F13A1: variants seen among roughly 807,000 people sequenced by gnomAD.
The protein encoded by F13A1 is coagulation factor XIII A chain.
A neutral mutation model predicts 80.1 loss-of-function variants in F13A1; 47 were observed. That is an observed-to-expected ratio of 0.59 (90% CI 0.46 to 0.75). The LOEUF (loss-of-function observed/expected upper bound fraction) is 0.75. Among genes scored for constraint, F13A1 ranks in the 30% least tolerant of loss-of-function variants. F13A1 has a pLI of 0.00. For synonymous variants in F13A1, 349 were observed against 344.9 expected (o/e 1.01, Z -0.13); for missense variants, 817 against 930.4 (o/e 0.88, Z 1.59).
Position 6,318,688 on chromosome 6 carries a change from G to GAAAAAAAAAAAAA in F13A1, c.-18-19_-18-7dup. On this transcript the variant is annotated splice_region_variant and splice_polypyrimidine_tract_variant and intron_variant, in intron 1 of 14. Coordinates refer to ENST00000264870, the MANE Select transcript of F13A1 (RefSeq NM_000129.4). ...ATTTTTGACTTTACAAGGTCCTTCAGAAAAAAAAAAAAAAGAAGACAACAG... is the reference window on the plus strand; with the variant it reads ...ATTTTTGACTTTACAAGGTCCTTCAGAAAAAAAAAAAAAAAAAAAAAAAAAAAGAAGACAACAG... The GAAAAAAAAAAAAA allele has an allele frequency of 1.3e-6, 2 of 1,488,494 alleles. No individual in the cohort carries two copies. Among genetic ancestry groups the GAAAAAAAAAAAAA allele is most frequent in the Non-Finnish European group, 1.8e-6 (2 of 1,106,734 alleles). The allele number at this position is 1,488,494 out of a possible 1,614,324, so 92.2% of individuals were successfully genotyped here.
At chr6:6,249,612 C>G (rs2113100478) in intron 5 of F13A1, among the ~76,000 whole-genome samples, 1 of 152,296 alleles carries the variant, frequency 6.6e-6, no homozygotes, top group Non-Finnish European at 1.5e-5. Context: ...GGACACTTTT[C>G]CAGACCTCCT....
In F13A1 at chr6:6,167,547, A is replaced by G; in HGVS notation, c.1819T>C (p.Phe607Leu). ...TCATTGATGCGAGCTGTGACAAAGA[A>G]GTGCAGGGACGCTTGTTCCAGCAGC... Reference protein sequence around the residue: ...GQLLEQASLHFFVTARINETR... With the variant: ...GQLLEQASLHLFVTARINETR... Residue 607 changes from phenylalanine to leucine, a missense_variant, in exon 13 of 15, where the codon TTC becomes CTC. By Grantham distance (22) the Phe-to-Leu change is conservative. Coordinates refer to ENST00000264870, the MANE Select transcript of F13A1 (RefSeq NM_000129.4). The G allele has an allele frequency of 6.2e-7, 1 of 1,614,124 alleles. No individual in the cohort carries two copies. Among genetic ancestry groups the G allele is most frequent in the East Asian group, 2.2e-5 (1 of 44,872 alleles).
chr6:6,252,458 G>A (rs1011605688), intron 4 of F13A1, among the ~76,000 whole-genome samples: 4 of 151,984 alleles, frequency 2.6e-5, no homozygotes, highest in African/African-American at 9.7e-5. Context: ...AAAGCTACAC[G>A]CTAAAATATG....
intron 14 of F13A1, among the ~76,000 whole-genome samples, chr6:6,149,208 G>A (rs1293615780): frequency 6.6e-6 from 1 of 152,128 alleles, no homozygotes; most frequent in Admixed American, 6.5e-5. Context: ...TAGAAGACAG[G>A]CTTTTGAATG....
chr6:6,275,429 G>T (rs1407750886), intron 3 of F13A1, among the ~76,000 whole-genome samples: 1 of 152,104 alleles, frequency 6.6e-6, no homozygotes, highest in Admixed American at 6.5e-5. Flanking sequence ...GAGTGCAGGG[G>T]TGCCATCTCA....
At chr6:6,183,204 C>T (rs960313870) in intron 10 of F13A1, among the ~76,000 whole-genome samples, 14 of 152,158 alleles carry the variant, frequency 9.2e-5, no homozygotes, top group South Asian at 4.1e-4. Flanking sequence ...CTAAATGTTT[C>T]CCAAGCTCCT....
At chr6:6,294,956 C>T (rs927789372) in intron 3 of F13A1, among the ~76,000 whole-genome samples, 20 of 142,958 alleles carry the variant, frequency 1.4e-4, no homozygotes, top group African/African-American at 4.5e-4. Flanking sequence ...CATGTGTTCT[C>T]ATTGTTCAAT....
chr6:6,244,924 C>T (rs923118594), intron 6 of F13A1, among the ~76,000 whole-genome samples: 8 of 152,126 alleles, frequency 5.3e-5, no homozygotes, highest in Non-Finnish European at 7.3e-5. Context: ...AAGACAGATT[C>T]GCTATGCAGG....
intron 10 of F13A1, among the ~76,000 whole-genome samples, chr6:6,193,959 G>A (rs972796687): frequency 7.9e-5 from 12 of 152,222 alleles, no homozygotes; most frequent in African/African-American, 2.9e-4. Flanking sequence ...CAGGTACGAT[G>A]AGATGAACAC....
intron 8 of F13A1, among the ~76,000 whole-genome samples, chr6:6,209,472 A>G (rs1229889446): frequency 2.0e-5 from 3 of 152,232 alleles, no homozygotes; most frequent in African/African-American, 7.2e-5. Context: ...TAGAGTTACC[A>G]TACAACCCAG....
In F13A1 at chr6:6,234,573, C is replaced by A. The variant is rs75399341; in HGVS notation, c.799-9713G>T. ...ATTTTAAGACTTGATAATATAAAAA[C>A]AATAATCATCCTAAGAAAAAAGATA... On this transcript the variant is annotated intron_variant, in intron 6 of 14. Transcript: ENST00000264870. Among the ~76,000 whole-genome samples, 15 of 151,812 alleles carry A rather than the reference C, an allele frequency of 9.9e-5. No individual in the cohort carries two copies. In the East Asian group the frequency reaches 2.5e-3, roughly 25 times the overall value.
intron 13 of F13A1, 77 bp downstream of exon 13, chr6:6,167,381 C>A (rs1760694416): frequency 7.1e-6 from 10 of 1,417,862 alleles, no homozygotes; most frequent in African/African-American, 1.5e-5. Flanking sequence ...CACACACATA[C>A]AAGCACGCAT....
At chr6:6,224,258 T>C (rs1287103690) in intron 7 of F13A1, among the ~76,000 whole-genome samples, 3 of 152,170 alleles carry the variant, frequency 2.0e-5, no homozygotes, top group Non-Finnish European at 4.4e-5. Context: ...ATTTATAAAA[T>C]TCTCAATAAT....
chr6:6,226,670 AT>A (rs1335534072), intron 6 of F13A1, among the ~76,000 whole-genome samples: 1 of 152,162 alleles, frequency 6.6e-6, no homozygotes, highest in African/African-American at 2.4e-5. Context: ...AAGAAAAAAA[AT>A]CTCCGTCTTT....
At chr6:6,167,666 G>T in intron 12 of F13A1, 48 bp from the exon 13 acceptor site, 1 of 1,602,970 alleles carries the variant, frequency 6.2e-7, no homozygotes, top group Non-Finnish European at 8.5e-7. Context: ...CTTGAGACAG[G>T]GTCTGCTTTA....
chr6:6,212,104 G>C (rs181335306), intron 8 of F13A1, among the ~76,000 whole-genome samples: 2,367 of 152,374 alleles, frequency 0.016, 112 homozygotes, highest in Admixed American at 0.09. Flanking sequence ...GCTGGCGGAG[G>C]GGCGCCCGCC....
intron 12 of F13A1, among the ~76,000 whole-genome samples, chr6:6,172,596 C>T (rs1320333482): frequency 1.3e-5 from 2 of 152,032 alleles, no homozygotes; most frequent in East Asian, 1.9e-4. Context: ...CAGGCACCTG[C>T]CACAACGCCT....
Position 6,234,239 on chromosome 6 carries a change from G to T in F13A1, c.799-9379C>A, listed in dbSNP as rs527526392. On this transcript the variant is annotated intron_variant, in intron 6 of 14. Coordinates refer to ENST00000264870, the MANE Select transcript of F13A1 (RefSeq NM_000129.4). ...CAGAAAGCTCCTAGGACTGATAAAAGAATTCAGCAAAGTTTCTGGATACAA... is the reference window on the plus strand; with the variant it reads ...CAGAAAGCTCCTAGGACTGATAAAATAATTCAGCAAAGTTTCTGGATACAA... Among the ~76,000 whole-genome samples the T allele has an allele frequency of 2.6e-5, 4 of 152,152 alleles. No individual in the cohort carries two copies. The South Asian group carries it at 6.2e-4, about 24-fold the overall frequency.
At chr6:6,165,774 C>T (rs975596368) in intron 13 of F13A1, among the ~76,000 whole-genome samples, 1 of 152,264 alleles carries the variant, frequency 6.6e-6, no homozygotes, top group Non-Finnish European at 1.5e-5. Context: ...ACCTCTGCAG[C>T]AACCCTAATC....
Sources: gnomAD v4.1 joint callset for allele counts (sites outside exome capture counted in the v4.1 genomes callset) on GRCh38, gnomAD v4.1.1 for gene constraint, MANE v1.5 for transcripts, NCBI Gene and HGNC (gene_info 2026-07-23, HGNC 2026-07-21) for gene names.